The following PRR14L variants were observed in gnomAD, a reference collection of about 807,000 sequenced individuals.
PRR14L encodes proline rich 14 like, also known as protein PRR14L.
PRR14L carries 80 observed loss-of-function variants against 155.0 expected under a neutral mutation model. The ratio of observed to expected loss-of-function variants is 0.52; its 90% CI spans 0.43 to 0.62. The LOEUF (loss-of-function observed/expected upper bound fraction) is 0.62. Ranked by LOEUF, PRR14L falls within the 20% of genes least tolerant of loss-of-function variation. The pLI, the probability that PRR14L is intolerant of heterozygous loss-of-function variation, is 0.00. For synonymous variants in PRR14L, 883 were observed against 916.0 expected, an observed-to-expected ratio of 0.96 and a Z score of 0.65; for missense variants, 2,469 against 2,548.0, an observed-to-expected ratio of 0.97 and a Z score of 0.67.
rs1292116517 is a variant in PRR14L at position 31,714,834 on chromosome 22, G to C, written c.3005C>G (p.Thr1002Ser). 1.3e-6 allele frequency: 2 copies of C among 1,552,042 alleles called. No individual in the cohort carries two copies. Among genetic ancestry groups the C allele is most frequent in the Non-Finnish European group, 1.7e-6 (2 of 1,147,056 alleles). The change falls in exon 4 of 9, where the codon ACC becomes AGC. Residue 1002 changes from threonine (T) to serine (S), a missense_variant. Physicochemically the swap from Thr to Ser is moderately conservative, Grantham distance 58. Transcript: ENST00000327423. ...MLSSDQRETVTEPHGEVNHNQ... is the reference protein window; with the variant it reads ...MLSSDQRETVSEPHGEVNHNQ... ...GTGGTTTACCTCCCCGTGAGGCTCGGTGACAGTCTCTCTCTGGTCACTACT... is the reference window on the plus strand; with the variant it reads ...GTGGTTTACCTCCCCGTGAGGCTCGCTGACAGTCTCTCTCTGGTCACTACT...
rs1432045793 is a variant in PRR14L at position 31,713,259 on chromosome 22, T to C, written c.4580A>G (p.Lys1527Arg). 9.7e-6 allele frequency: 15 copies of C among 1,552,058 alleles called. No individual in the cohort carries two copies. The highest frequency in any genetic ancestry group is 1.3e-5 in the Non-Finnish European group (15 of 1,147,112). Residue 1527 changes from lysine to arginine, a missense_variant, in exon 4 of 9, where the codon AAG becomes AGG. By Grantham distance (26) the Lys-to-Arg change is conservative. Transcript: ENST00000327423. The stretch of plus-strand genomic sequence containing the variant: ...GATTTGCTCCTGATAGGAAACTTTC[T>C]TACAAGTTCGATGGGGCTGCTTCTT... ...PLKKQPHRTC[K>R]KVSYQEQIIV...
chr22:31,714,942 G>A lies in PRR14L; in HGVS notation c.2897C>T (p.Ala966Val). 1 of 1,551,934 alleles carries A rather than the reference G, an allele frequency of 6.4e-7. No homozygotes were observed. Among genetic ancestry groups the A allele is most frequent in the Non-Finnish European group, 8.7e-7 (1 of 1,146,968 alleles). The change falls in exon 4 of 9, where the codon GCA becomes GTA. Residue 966 changes from alanine (A) to valine (V), a missense_variant. Ala to Val is a moderately conservative substitution (Grantham distance 64). Coordinates refer to ENST00000327423, the MANE Select transcript of PRR14L (RefSeq NM_173566.3). ...ACTCTGACAGTCAAGGACTTCATCT[G>A]CCTTCTGATCGAGTGTTTCAACTGA... Reference protein sequence around the residue: ...VKSVETLDQKADEVLDCQSNQ... With the variant: ...VKSVETLDQKVDEVLDCQSNQ...
At chr22:31,739,386 C>G (rs377019827) in intron 1 of PRR14L, among the ~76,000 whole-genome samples, 1 of 152,178 alleles carries the variant, frequency 6.6e-6, no homozygotes, top group Non-Finnish European at 1.5e-5. Context: ...ATTTCATATA[C>G]TGACTTTTCC....
chr22:31,695,981 G>C (rs1229242222), intron 7 of PRR14L, among the ~76,000 whole-genome samples: 1 of 152,004 alleles, frequency 6.6e-6, no homozygotes, highest in East Asian at 1.9e-4. Context: ...GAACCAATAC[G>C]TAATACTAAG....
At position 31,716,331 on chromosome 22, in the gene PRR14L, G is replaced by C; in HGVS notation, c.1508C>G (p.Pro503Arg). 6.4e-7 allele frequency: 1 copy of C among 1,551,608 alleles called. No homozygotes were observed. The highest frequency in any genetic ancestry group is 8.7e-7 in the Non-Finnish European group (1 of 1,146,976). ...HKETFTNMSH[P>R]GGHSEESSFS... ...ACTGCTTTCTTCAGAGTGTCCACCA[G>C]GATGGCTCATATTAGTAAAAGTTTC... Residue 503 changes from proline (P) to arginine (R), a missense_variant, in exon 4 of 9, where the codon CCT becomes CGT. By Grantham distance (103) the Pro-to-Arg change is moderately radical. Transcript: ENST00000327423.
intron 4 of PRR14L, among the ~76,000 whole-genome samples, chr22:31,706,506 C>T (rs1334675512): frequency 1.3e-5 from 2 of 149,492 alleles, no homozygotes; most frequent in Admixed American, 6.7e-5. Context: ...CTCACTGCAA[C>T]CTCTACCTTG....
intron 2 of PRR14L, among the ~76,000 whole-genome samples, chr22:31,730,006 G>C (rs1303216505): frequency 6.6e-6 from 1 of 151,856 alleles, no homozygotes; most frequent in Non-Finnish European, 1.5e-5. Context: ...AATTAGGCAG[G>C]AATGGTGTTG....
At chr22:31,736,750 C>T (rs1273222737) in intron 2 of PRR14L, among the ~76,000 whole-genome samples, 1 of 151,996 alleles carries the variant, frequency 6.6e-6, no homozygotes. Flanking sequence ...CAAAAGAGAC[C>T]ATATGAGGCC....
At chr22:31,696,753 C>T (rs1470149484) in intron 7 of PRR14L, among the ~76,000 whole-genome samples, 1 of 152,208 alleles carries the variant, frequency 6.6e-6, no homozygotes, top group Non-Finnish European at 1.5e-5. Context: ...TCACCATAAA[C>T]TTGTCTTGGG....
Position 31,714,348 on chromosome 22 carries a change from G to C in PRR14L, c.3491C>G (p.Pro1164Arg). 1 of 1,551,570 alleles carries C rather than the reference G, an allele frequency of 6.4e-7. No homozygotes were observed. Among genetic ancestry groups the C allele is most frequent in the Non-Finnish European group, 8.7e-7 (1 of 1,146,944 alleles). ...HEMESVADHE[P>R]NKRILGRVNL... Reference sequence around the variant, plus strand: ...TACTCTGCCCAATATTCTTTTATTTGGTTCATGATCTGCAACAGACTCCAT... The same window carrying C: ...TACTCTGCCCAATATTCTTTTATTTCGTTCATGATCTGCAACAGACTCCAT... The change falls in exon 4 of 9, where the codon CCA (proline) becomes CGA (arginine). Residue 1164 changes from proline (P) to arginine (R), a missense_variant. Coordinates refer to ENST00000327423, the MANE Select transcript of PRR14L (RefSeq NM_173566.3).
chr22:31,738,607 T>G lies in PRR14L; in HGVS notation c.254A>C (p.His85Pro). The change falls in exon 2 of 9, where the codon CAT (histidine) becomes CCT (proline). Residue 85 changes from histidine to proline, a missense_variant. His to Pro is a moderately conservative substitution (Grantham distance 77, BLOSUM62 -2). This residue lies in a region of PRR14L where 2,363 missense variants were observed against 2,371.6 expected (regional missense o/e 1.00). Transcript: ENST00000327423. Reference protein sequence around the residue: ...CCEETYETLDHGSEPGRCGLV... With the variant: ...CCEETYETLDPGSEPGRCGLV... ...CCCACATCGCCCAGGCTCACTCCCA[T>G]GATCCAAGGTCTCATAGGTTTCTTC... is the stretch of plus-strand genomic sequence containing the variant. The G allele has an allele frequency of 4.5e-6, 7 of 1,552,112 alleles. No individual in the cohort carries two copies. The highest frequency in any genetic ancestry group is 6.1e-6 in the Non-Finnish European group (7 of 1,147,090).
At chr22:31,688,448 G>A (rs1376808971) in intron 7 of PRR14L, among the ~76,000 whole-genome samples, 1 of 151,794 alleles carries the variant, frequency 6.6e-6, no homozygotes, top group African/African-American at 2.4e-5. Flanking sequence ...TTAGGCATGA[G>A]CTACTGTGCA....
rs765234848 is a variant in PRR14L, at chr22:31,685,167, G to A, written c.*360C>T. On this transcript the variant is annotated 3_prime_UTR_variant, in exon 9 of 9. Coordinates refer to ENST00000327423, the MANE Select transcript of PRR14L (RefSeq NM_173566.3). ...AACAAAGCGGAACTTTCATATGGACGTGCAAATCCTGTGTGTCCTTGGAAT... is the reference window on the plus strand; with the variant it reads ...AACAAAGCGGAACTTTCATATGGACATGCAAATCCTGTGTGTCCTTGGAAT... 5.1e-6 allele frequency: 1 copy of A among 195,512 alleles called. No individual in the cohort carries two copies. The highest frequency in any genetic ancestry group is 5.3e-5 in the Admixed American group (1 of 18,914). The allele number at this position is 195,512 out of a possible 1,614,324, so 12.1% of individuals were successfully genotyped here.
At chr22:31,691,954 A>G (rs1373033867) in intron 7 of PRR14L, among the ~76,000 whole-genome samples, 3 of 149,852 alleles carry the variant, frequency 2.0e-5, no homozygotes, top group Admixed American at 6.7e-5. Context: ...TGCAACCTCC[A>G]CCTCCTGCGT....
intron 4 of PRR14L, among the ~76,000 whole-genome samples, chr22:31,708,669 C>A (rs1569498171): frequency 6.6e-6 from 1 of 151,934 alleles, no homozygotes; most frequent in Non-Finnish European, 1.5e-5. Context: ...GAGACAGAGT[C>A]TCACTTTGCC....
intron 2 of PRR14L, 128 bp from the exon 3 acceptor site, chr22:31,725,738 G>A (rs1044798659): frequency 1.6e-5 from 10 of 613,670 alleles, no homozygotes; most frequent in Non-Finnish European, 2.8e-5. Flanking sequence ...GTTAGATCGT[G>A]GCTCACTGCA....
rs574759060 is a variant in PRR14L, at chr22:31,687,193, A to T, written c.6179+963T>A. Among the ~76,000 whole-genome samples the T allele has an allele frequency of 2.0e-5, 3 of 151,630 alleles. No individual in the cohort carries two copies. In the South Asian group the frequency reaches 6.3e-4, roughly 32 times the overall value. On this transcript the variant is annotated intron_variant, in intron 8 of 8. Transcript: ENST00000327423. The stretch of plus-strand genomic sequence containing the variant: ...GCTGGGATTACTGGTGTGTGCCACC[A>T]CGCCTGGGTAATTTTGTATTTTAGT...
At position 31,715,915 on chromosome 22, in the gene PRR14L, C is replaced by T. The variant is rs967362348; in HGVS notation, c.1924G>A (p.Val642Ile). 4 of 1,551,544 alleles carry T rather than the reference C, an allele frequency of 2.6e-6. No individual in the cohort carries two copies. Among genetic ancestry groups the T allele is most frequent in the Non-Finnish European group, 1.7e-6 (2 of 1,146,892 alleles). ...MNELSCTNEL[V>I]VNKVESECVL... The stretch of plus-strand genomic sequence containing the variant: ...CATTCACTTTCTACTTTGTTTACAA[C>T]CAGTTCATTGGTACAAGAAAGTTCA... Residue 642 changes from valine to isoleucine, a missense_variant, in exon 4 of 9, where the codon GTT becomes ATT. Physicochemically the swap from Val to Ile is conservative, Grantham distance 29. Transcript: ENST00000327423.
intron 4 of PRR14L, among the ~76,000 whole-genome samples, chr22:31,706,442 T>TTTTTTTTTTTTTTTTA (rs1238688535): frequency 1.3e-5 from 2 of 151,436 alleles, no homozygotes; most frequent in African/African-American, 2.4e-5. Flanking sequence ...TTCTTTTTTT[T>TTTTTTTTTTTTTTTTA]GAGACGGAGT....
Sources: gnomAD v4.1 joint callset for allele counts (sites outside exome capture counted in the v4.1 genomes callset) on GRCh38, gnomAD v4.1.1 for gene constraint, gnomAD v4.1.1 regional missense constraint, MANE v1.5 for transcripts, NCBI Gene and HGNC (gene_info 2026-07-23, HGNC 2026-07-21) for gene names.